The following CHRM3 variants were observed in gnomAD, a reference collection of about 807,000 sequenced individuals.
CHRM3 encodes muscarinic acetylcholine receptor M3.
A neutral mutation model predicts 41.8 loss-of-function variants in CHRM3; 11 were observed. That is an observed-to-expected ratio of 0.26 (90% CI 0.17 to 0.44). The LOEUF (loss-of-function observed/expected upper bound fraction) is 0.44, where lower values mean the gene tolerates loss of function less well. Ranked by LOEUF, CHRM3 falls within the 20% of genes least tolerant of loss-of-function variation. CHRM3 has a pLI of 1.00. For synonymous variants in CHRM3, 297 were observed against 301.4 expected, an observed-to-expected ratio of 0.99 and a Z score of 0.15; for missense variants, 571 against 745.4, an observed-to-expected ratio of 0.77 and a Z score of 2.72.
chr1:239,775,631 A>C (rs1668029407), intron 5 of CHRM3, among the ~76,000 whole-genome samples: 1 of 152,202 alleles, frequency 6.6e-6, no homozygotes, highest in South Asian at 2.1e-4. Flanking sequence ...TCAAGATTCC[A>C]TTTTAGGCGG....
At chr1:239,557,156 C>T (rs1030588835) in intron 3 of CHRM3, among the ~76,000 whole-genome samples, 1 of 152,114 alleles carries the variant, frequency 6.6e-6, no homozygotes, top group African/African-American at 2.4e-5. Flanking sequence ...ATCAAGGCAA[C>T]GTGATTGCAT....
intron 1 of CHRM3, among the ~76,000 whole-genome samples, chr1:239,414,675 G>C (rs1303818998): frequency 6.6e-6 from 1 of 152,324 alleles, no homozygotes; most frequent in South Asian, 2.1e-4. Flanking sequence ...AAGGAGGATC[G>C]ATTCAATGGA....
intron 4 of CHRM3, among the ~76,000 whole-genome samples, chr1:239,647,719 C>T (rs1341005494): frequency 6.6e-6 from 1 of 152,190 alleles, no homozygotes. Context: ...AAACTGAGGT[C>T]CTCTGCTTCT....
intron 1 of CHRM3, among the ~76,000 whole-genome samples, chr1:239,486,130 G>T (rs1232142561): frequency 6.6e-6 from 1 of 152,180 alleles, no homozygotes; most frequent in Non-Finnish European, 1.5e-5. Flanking sequence ...CCCACACACA[G>T]GTTCCCATCC....
intron 3 of CHRM3, among the ~76,000 whole-genome samples, chr1:239,623,583 G>T (rs551649704): frequency 2.3e-5 from 2 of 87,804 alleles, no homozygotes; most frequent in African/African-American, 4.6e-5. Flanking sequence ...GTGCCATGCT[G>T]GTGCGCTGCA....
In CHRM3 at chr1:239,618,277, C is replaced by CTT. The variant is rs61094722; in HGVS notation, c.-312-13930_-312-13929dup. ...GAGTAGGAGTACTTTTTTTTTCTTT[C>CTT]TTTTTTTTTTTTTTTTTTAATGACA... On this transcript the variant is annotated intron_variant, in intron 3 of 6. Transcript: ENST00000676153. 4.6e-3 allele frequency among the ~76,000 whole-genome samples: 554 copies of CTT among 120,664 alleles called. 8 individuals carry two copies. The highest frequency in any genetic ancestry group is 0.014 in the African/African-American group (462 of 33,596). The allele number at this position is 120,664 out of a possible 152,430, so 79.2% of individuals were successfully genotyped here.
intron 1 of CHRM3, among the ~76,000 whole-genome samples, chr1:239,433,275 G>C (rs1662971481): frequency 6.6e-6 from 1 of 152,044 alleles, no homozygotes; most frequent in African/African-American, 2.4e-5. Flanking sequence ...CTCAGTGAAT[G>C]GAACTCGGAG....
intron 1 of CHRM3, among the ~76,000 whole-genome samples, chr1:239,435,091 T>C (rs1033619288): frequency 1.3e-5 from 2 of 152,178 alleles, no homozygotes; most frequent in African/African-American, 2.4e-5. Context: ...TCATATGAAG[T>C]TATGTAACTT....
chr1:239,724,623 G>A (rs901078659), intron 5 of CHRM3, among the ~76,000 whole-genome samples: 4 of 151,874 alleles, frequency 2.6e-5, no homozygotes, highest in Non-Finnish European at 1.5e-5. Context: ...GCTAATGTGA[G>A]AATAAGATAA....
At chr1:239,414,211 G>C (rs1012257646) in intron 1 of CHRM3, among the ~76,000 whole-genome samples, 2 of 152,034 alleles carry the variant, frequency 1.3e-5, no homozygotes, top group Admixed American at 1.3e-4. Flanking sequence ...CTGCTCCTTT[G>C]CTATCTTTCT....
In CHRM3 at chr1:239,567,615, G is replaced by A. The variant is rs986603396; in HGVS notation, c.-313+21866G>A. Among the ~76,000 whole-genome samples the A allele has an allele frequency of 2.6e-5, 4 of 152,112 alleles. No homozygotes were observed. In the East Asian group the frequency reaches 7.7e-4, roughly 29 times the overall value. ...GGTACTCCTCATTCTCTGGGGAAAG[G>A]ATTGGTCTGAAACCACCTTCTACCC... On this transcript the variant is annotated intron_variant, in intron 3 of 6. Transcript: ENST00000676153.
At position 239,618,686 on chromosome 1, in the gene CHRM3, T is replaced by C. The variant is rs1405562187; in HGVS notation, c.-312-13538T>C. ...GGTGAAACCCCGTCTCTACTAAAAA[T>C]ACAAAAAATTAGCTGGGCGTGGTGG... On this transcript the variant is annotated intron_variant, in intron 3 of 6. Coordinates refer to ENST00000676153, the MANE Select transcript of CHRM3 (RefSeq NM_001375978.1). Among the ~76,000 whole-genome samples, 125 of 150,352 alleles carry C rather than the reference T, an allele frequency of 8.3e-4. 3 individuals carry two copies. The highest frequency in any genetic ancestry group is 6.8e-4 in the Non-Finnish European group (46 of 67,520).
rs1273269765 is a variant in CHRM3, at chr1:239,887,531, G to A, written c.-19-19902G>A. ...AGCCATGGTGCCAGGCCTTCAGACA[G>A]CTTTGAAAGCTAATTAAACCTTCAG... On this transcript the variant is annotated intron_variant, in intron 6 of 6. Transcript: ENST00000676153. Among the ~76,000 whole-genome samples, 59 of 152,170 alleles carry A rather than the reference G, an allele frequency of 3.9e-4. 1 individual carries two copies. Among genetic ancestry groups the A allele is most frequent in the Non-Finnish European group, 1.5e-5 (1 of 68,046 alleles).
At chr1:239,467,861 T>G (rs1665839797) in intron 1 of CHRM3, among the ~76,000 whole-genome samples, 1 of 151,696 alleles carries the variant, frequency 6.6e-6, no homozygotes, top group Non-Finnish European at 1.5e-5. Flanking sequence ...GTGTCATCCT[T>G]AAAATAGAAT....
intron 1 of CHRM3, among the ~76,000 whole-genome samples, chr1:239,429,852 C>T (rs1353929439): frequency 6.7e-6 from 1 of 149,830 alleles, no homozygotes. Context: ...AAACTTCCTA[C>T]ACATGGGTTC....
chr1:239,780,815 A>C (rs1044806961), intron 5 of CHRM3, among the ~76,000 whole-genome samples: 6 of 69,630 alleles, frequency 8.6e-5, no homozygotes, highest in Admixed American at 4.2e-4. Context: ...GTCTACATTT[A>C]TTTGTGTGTG....
chr1:239,471,727 G>C (rs1666134360), intron 1 of CHRM3, among the ~76,000 whole-genome samples: 1 of 152,160 alleles, frequency 6.6e-6, no homozygotes, highest in African/African-American at 2.4e-5. Context: ...AGGAATGAAG[G>C]CTCTGGGCCT....
chr1:239,654,360 G>A (rs886848093), intron 4 of CHRM3, among the ~76,000 whole-genome samples: 55 of 152,056 alleles, frequency 3.6e-4, no homozygotes, highest in African/African-American at 1.3e-3. Context: ...GGACCTTGAC[G>A]GTTCAATTCT....
chr1:239,684,555 G>A (rs924004185), intron 5 of CHRM3, among the ~76,000 whole-genome samples: 7 of 151,312 alleles, frequency 4.6e-5, no homozygotes, highest in South Asian at 2.1e-4. Context: ...AAATTAGCCG[G>A]GCATGTTGGC....
Sources: allele counts gnomAD v4.1 joint callset (sites outside exome capture counted in the v4.1 genomes callset), GRCh38; gene constraint gnomAD v4.1.1; transcripts MANE v1.5; gene names NCBI Gene and HGNC (gene_info 2026-07-23, HGNC 2026-07-21).